CRHR2: variants seen among roughly 807,000 people sequenced by gnomAD.
The protein encoded by CRHR2 is corticotropin-releasing hormone receptor 2.
In CRHR2, 53 loss-of-function variants were observed where a neutral mutation model predicts 57.9. That is an observed-to-expected ratio of 0.92 (90% CI 0.73 to 1.15). CRHR2 has a LOEUF of 1.15. Ranked by LOEUF, CRHR2 falls within the 50% of genes most tolerant of loss-of-function variation. CRHR2 has a pLI of 0.00. For synonymous variants in CRHR2, 213 were observed against 220.9 expected, an observed-to-expected ratio of 0.96 and a Z score of 0.32; for missense variants, 532 against 542.6, an observed-to-expected ratio of 0.98 and a Z score of 0.19.
Position 30,667,333 on chromosome 7 carries a change from C to T in CRHR2, c.230-20G>A. The stretch of plus-strand genomic sequence containing the variant: ...CATTCCCTACAAAAAATGCCAACTG[C>T]CAAGAGTCAGGTCACTCCCCTCCTC... On this transcript the variant is annotated intron_variant, in intron 2 of 11. Coordinates refer to ENST00000471646, the MANE Select transcript of CRHR2 (RefSeq NM_001883.5). The T allele has an allele frequency of 6.2e-7, 1 of 1,611,660 alleles. No homozygotes were observed. Among genetic ancestry groups the T allele is most frequent in the Non-Finnish European group, 8.5e-7 (1 of 1,177,842 alleles).
At chr7:30,694,425 C>G (rs547840630) in intron 1 of CRHR2, among the ~76,000 whole-genome samples, 2 of 152,212 alleles carry the variant, frequency 1.3e-5, no homozygotes, top group Non-Finnish European at 2.9e-5. Context: ...AACCTGTGCC[C>G]GGGGCCCCGA....
upstream of CRHR2, chr7:30,682,620 G>T (rs563703614): frequency 1.7e-5 from 11 of 661,806 alleles, no homozygotes; most frequent in African/African-American, 1.9e-4. Flanking sequence ...CGGCTTCTCA[G>T]TTCGCAGCTC....
chr7:30,683,556 A>T (rs1279472852), upstream of CRHR2, among the ~76,000 whole-genome samples: 1 of 152,120 alleles, frequency 6.6e-6, no homozygotes, highest in Non-Finnish European at 1.5e-5. Flanking sequence ...GGGGTAAGGC[A>T]TGCTTCCACT....
rs1016129083 is a variant in CRHR2, at chr7:30,669,193, A to C, written c.230-1880T>G. ...AAATTTATCTTCTATATGTTCATAG[A>C]TATTATCCAGCTTTCCTGAAGCTCA... On this transcript the variant is annotated intron_variant, in intron 2 of 11. Coordinates refer to ENST00000471646, the MANE Select transcript of CRHR2 (RefSeq NM_001883.5). Among the ~76,000 whole-genome samples the C allele has an allele frequency of 7.6e-4, 115 of 152,276 alleles. 2 individuals are homozygous for C. Among genetic ancestry groups the C allele is most frequent in the Non-Finnish European group, 1.3e-4 (9 of 68,018 alleles).
At chr7:30,690,838 T>A (rs1784946825) in intron 1 of CRHR2, among the ~76,000 whole-genome samples, 1 of 152,076 alleles carries the variant, frequency 6.6e-6, no homozygotes, top group Non-Finnish European at 1.5e-5. Flanking sequence ...TCTGCCAAAC[T>A]CCCACCCCAC....
intron 3 of CRHR2, 69 bp downstream of exon 3, chr7:30,667,159 C>T: frequency 6.9e-7 from 1 of 1,439,792 alleles, no homozygotes; most frequent in Non-Finnish European, 9.8e-7. Context: ...CCCTTGGGAT[C>T]TTCTCTGCTC....
intron 1 of CRHR2, among the ~76,000 whole-genome samples, chr7:30,697,437 C>T (rs1584148348): frequency 6.6e-6 from 1 of 152,306 alleles, no homozygotes; most frequent in East Asian, 1.9e-4. Flanking sequence ...TAAGTGGTCC[C>T]ACCTTCCCGG....
intron 2 of CRHR2, among the ~76,000 whole-genome samples, chr7:30,670,954 G>A (rs144588338): frequency 2.6e-5 from 4 of 152,300 alleles, no homozygotes; most frequent in African/African-American, 2.4e-5. Context: ...AGTGGCCCAG[G>A]CCTGCCAAAA....
chr7:30,660,527 GT>G (rs1455021295), intron 8 of CRHR2, 45 bp downstream of exon 8: 1 of 1,542,672 alleles, frequency 6.5e-7, no homozygotes, highest in Non-Finnish European at 8.8e-7. Flanking sequence ...GCCCTCTTCT[GT>G]CCTCTTGGCA....
At chr7:30,691,126 A>C (rs773958760) in intron 1 of CRHR2, among the ~76,000 whole-genome samples, 5 of 152,122 alleles carry the variant, frequency 3.3e-5, no homozygotes, top group Non-Finnish European at 7.4e-5. Flanking sequence ...AGACACTGAG[A>C]CCTTCCAGGA....
intron 8 of CRHR2, among the ~76,000 whole-genome samples, chr7:30,658,199 C>A (rs1783862378): frequency 6.6e-6 from 1 of 152,226 alleles, no homozygotes; most frequent in Non-Finnish European, 1.5e-5. Flanking sequence ...ACACTGAGCT[C>A]TCCGGCTTTC....
chr7:30,688,739 A>T (rs1490511126), intron 2 of CRHR2: 2 of 452,606 alleles, frequency 4.4e-6, no homozygotes, highest in Non-Finnish European at 8.9e-6. Flanking sequence ...GCTGGCCCTG[A>T]CCCTGTGAAT....
intron 2 of CRHR2, among the ~76,000 whole-genome samples, chr7:30,681,598 G>A (rs1008735098): frequency 6.6e-6 from 1 of 152,232 alleles, no homozygotes; most frequent in African/African-American, 2.4e-5. Context: ...GGAACTTCAG[G>A]CAACGGGAAC....
At chr7:30,661,594 G>A (rs966700083) in intron 7 of CRHR2, among the ~76,000 whole-genome samples, 13 of 152,140 alleles carry the variant, frequency 8.5e-5, no homozygotes, top group Admixed American at 7.2e-4. Context: ...CCTGGTCCCC[G>A]CTGCTCTCAG....
intron 2 of CRHR2, 127 bp downstream of exon 2, chr7:30,681,788 G>T (rs1784715129): frequency 7.3e-7 from 1 of 1,376,894 alleles, no homozygotes; most frequent in African/African-American, 1.5e-5. Context: ...GGTCCTTAAC[G>T]CCCGCGGTCC....
rs1461260385 is a variant in CRHR2, at chr7:30,654,976, T to C, written c.1095+63A>G. On this transcript the variant is annotated intron_variant, in intron 11 of 11. Transcript: ENST00000471646. ...CAAGGCCGGGCAGCACCAATGGAGC[T>C]GCCCTGGAGTGGGGTCTGAGGACCT... 7 of 1,590,512 alleles carry C rather than the reference T, an allele frequency of 4.4e-6. No homozygotes were observed. The East Asian group carries it at 1.6e-4, about 37-fold the overall frequency.
At chr7:30,667,402 C>T (rs941877160) in intron 2 of CRHR2, 89 bp from the exon 3 acceptor site, 29 of 1,011,542 alleles carry the variant, frequency 2.9e-5, no homozygotes, top group South Asian at 9.4e-5. Context: ...ATAAGGTGTA[C>T]GCACCTCAGC....
chr7:30,682,159 C>T lies in CRHR2; in HGVS notation c.103+19G>A, dbSNP rs755023185. On this transcript the variant is annotated intron_variant, in intron 1 of 11. Transcript: ENST00000471646. ...GAGAAGGAGCCCGCGCAGCCTCCGACCGCTCGCCTCCCGCCTACCCTCGGG... is the reference window on the plus strand; with the variant it reads ...GAGAAGGAGCCCGCGCAGCCTCCGATCGCTCGCCTCCCGCCTACCCTCGGG... The T allele has an allele frequency of 6.5e-7, 1 of 1,548,062 alleles. No individual in the cohort carries two copies. The highest frequency in any genetic ancestry group is 1.2e-5 in the South Asian group (1 of 83,294).
chr7:30,691,147 G>C (rs1194878636), intron 1 of CRHR2, among the ~76,000 whole-genome samples: 1 of 152,222 alleles, frequency 6.6e-6, no homozygotes, highest in Non-Finnish European at 1.5e-5. Flanking sequence ...AGAATTCTCA[G>C]GCCATACTTT....
Sources: gnomAD v4.1 joint callset for allele counts (sites outside exome capture counted in the v4.1 genomes callset) on GRCh38, gnomAD v4.1.1 for gene constraint, MANE v1.5 for transcripts, NCBI Gene and HGNC (gene_info 2026-07-23, HGNC 2026-07-21) for gene names.